CTNNA2: variants seen among roughly 807,000 people sequenced by gnomAD.
CTNNA2 encodes catenin alpha-2.
CTNNA2 carries 42 observed loss-of-function variants against 101.0 expected under a neutral mutation model. The observed-to-expected ratio is 0.42, with a 90% CI of 0.32 to 0.54. The LOEUF (loss-of-function observed/expected upper bound fraction) is 0.54. Ranked by LOEUF, CTNNA2 falls within the 20% of genes least tolerant of loss-of-function variation. CTNNA2 has a pLI of 0.14. For synonymous variants in CTNNA2, 450 were observed against 456.4 expected (o/e 0.99, Z 0.18); for missense variants, 871 against 1,223.1 (o/e 0.71, Z 4.29).
intron 2 of CTNNA2, among the ~76,000 whole-genome samples, chr2:79,299,770 A>G (rs762630515): frequency 1.5e-4 from 23 of 152,236 alleles, no homozygotes; most frequent in Non-Finnish European, 2.8e-4. Flanking sequence ...TCCAGACCTT[A>G]AGCAAAATTC....
At chr2:80,014,515 C>T (rs536458521) in intron 7 of CTNNA2, among the ~76,000 whole-genome samples, 41 of 151,730 alleles carry the variant, frequency 2.7e-4, no homozygotes, top group Non-Finnish European at 5.0e-4. Flanking sequence ...ATCATTTGAT[C>T]CTCACCAAAG....
intron 16 of CTNNA2, among the ~76,000 whole-genome samples, chr2:80,606,394 A>C (rs1054403326): frequency 8.3e-6 from 1 of 119,898 alleles, no homozygotes; most frequent in South Asian, 2.5e-4. Flanking sequence ...ACACACACAC[A>C]CACACACACA....
At chr2:79,810,057 A>G (rs964395418) in intron 3 of CTNNA2, among the ~76,000 whole-genome samples, 1 of 152,248 alleles carries the variant, frequency 6.6e-6, no homozygotes, top group Non-Finnish European at 1.5e-5. Flanking sequence ...TGACAGGATC[A>G]AATTCACAAG....
intron 6 of CTNNA2, among the ~76,000 whole-genome samples, chr2:79,903,138 G>A (rs889712793): frequency 1.3e-5 from 2 of 152,156 alleles, no homozygotes; most frequent in African/African-American, 4.8e-5. Context: ...CATTATTGGT[G>A]TTGTTAGTGT....
chr2:79,498,967 T>A (rs1671288332), intron 4 of CTNNA2: 1 of 152,250 alleles, frequency 6.6e-6, no homozygotes, highest in African/African-American at 2.4e-5. Flanking sequence ...CAATCCAGTA[T>A]CTATACTGTA....
At chr2:80,092,950 G>A (rs1699878810) in intron 7 of CTNNA2, among the ~76,000 whole-genome samples, 4 of 151,936 alleles carry the variant, frequency 2.6e-5, no homozygotes, top group Admixed American at 2.0e-4. Context: ...ATGAAGATAA[G>A]GATAGAGGCA....
chr2:79,939,260 G>A (rs570849414), intron 7 of CTNNA2, among the ~76,000 whole-genome samples: 1 of 151,502 alleles, frequency 6.6e-6, no homozygotes, highest in African/African-American at 2.5e-5. Context: ...GGTAGCTGAA[G>A]TAGCTTGTAG....
intron 15 of CTNNA2, among the ~76,000 whole-genome samples, chr2:80,593,874 C>T (rs1042586892): frequency 6.6e-6 from 1 of 152,128 alleles, no homozygotes; most frequent in Non-Finnish European, 1.5e-5. Flanking sequence ...TTTATCCACT[C>T]ATCTCTTAAT....
At chr2:79,814,212 G>T (rs13410061) in intron 3 of CTNNA2, among the ~76,000 whole-genome samples, 33,975 of 151,994 alleles carry the variant, frequency 0.22, 3,932 homozygotes, top group East Asian at 0.32. Flanking sequence ...AGACACAACT[G>T]AACCCATAAG....
intron 9 of CTNNA2, among the ~76,000 whole-genome samples, chr2:80,510,388 G>A (rs1688617395): frequency 6.6e-6 from 1 of 152,028 alleles, no homozygotes; most frequent in African/African-American, 2.4e-5. Context: ...TCTCCTTATT[G>A]ATTATCTGAC....
intron 7 of CTNNA2, among the ~76,000 whole-genome samples, chr2:80,077,232 G>A (rs916564373): frequency 3.9e-5 from 6 of 152,030 alleles, no homozygotes; most frequent in African/African-American, 4.8e-5. Context: ...TACATTTACC[G>A]TAGTACCCAA....
At chr2:79,515,661 A>T (rs1250505537) in intron 1 of CTNNA2, among the ~76,000 whole-genome samples, 1 of 152,240 alleles carries the variant, frequency 6.6e-6, no homozygotes, top group African/African-American at 2.4e-5. Context: ...TTTAAGAGAG[A>T]TGAGTACAAT....
At chr2:79,869,768 T>C in intron 4 of CTNNA2, 48 bp from the exon 5 acceptor site, 5 of 1,583,376 alleles carry the variant, frequency 3.2e-6, no homozygotes, top group South Asian at 1.2e-5. Context: ...TGTTGAATAA[T>C]ATTTAAATAC....
intron 9 of CTNNA2, among the ~76,000 whole-genome samples, chr2:80,428,830 A>G (rs1681224067): frequency 6.6e-6 from 1 of 152,180 alleles, no homozygotes; most frequent in South Asian, 2.1e-4. Context: ...GCTATCTCAA[A>G]AACAAAACAA....
At chr2:80,024,358 A>G (rs1385920062) in intron 7 of CTNNA2, among the ~76,000 whole-genome samples, 1 of 152,206 alleles carries the variant, frequency 6.6e-6, no homozygotes, top group Non-Finnish European at 1.5e-5. Context: ...AGAGGATTAG[A>G]ACAGGCTTAT....
At chr2:79,924,407 G>C (rs1686881226) in intron 7 of CTNNA2, among the ~76,000 whole-genome samples, 1 of 152,054 alleles carries the variant, frequency 6.6e-6, no homozygotes, top group Non-Finnish European at 1.5e-5. Flanking sequence ...CCAGCTTTCA[G>C]AATACTACTG....
chr2:80,209,424 C>T (rs1473466130), intron 7 of CTNNA2, among the ~76,000 whole-genome samples: 1 of 152,042 alleles, frequency 6.6e-6, no homozygotes, highest in Non-Finnish European at 1.5e-5. Context: ...CTCCTGACCT[C>T]AGGTGATCCG....
intron 4 of CTNNA2, among the ~76,000 whole-genome samples, chr2:79,860,911 G>A (rs1025194739): frequency 2.6e-5 from 4 of 152,100 alleles, no homozygotes; most frequent in African/African-American, 9.7e-5. Context: ...TTCTCAGGAC[G>A]GATAAAGTAA....
intron 7 of CTNNA2, among the ~76,000 whole-genome samples, chr2:80,278,235 G>A (rs1322243164): frequency 2.6e-5 from 4 of 152,060 alleles, no homozygotes; most frequent in African/African-American, 9.7e-5. Context: ...TGTATATGAT[G>A]TATTATTAAG....
Sources: allele counts gnomAD v4.1 joint callset (sites outside exome capture counted in the v4.1 genomes callset), GRCh38; gene constraint gnomAD v4.1.1; transcripts MANE v1.5; gene names NCBI Gene and HGNC (gene_info 2026-07-23, HGNC 2026-07-21).